Variants in BANK1 observed in about 807,000 individuals in gnomAD.
BANK1 encodes the protein B cell scaffold protein with ankyrin repeats 1.
In BANK1, 95 loss-of-function variants were observed where a neutral mutation model predicts 94.5. That is an observed-to-expected ratio of 1.00 (90% CI 0.85 to 1.19). BANK1 has a LOEUF of 1.19. Ranked by LOEUF, BANK1 falls within the 50% of genes most tolerant of loss-of-function variation. The pLI is 0.00. For missense variants in BANK1, 987 were observed against 932.2 expected (o/e 1.06, Z -0.77); for synonymous variants, 334 against 308.4 (o/e 1.08, Z -0.87).
chr4:101,993,720 G>A (rs1281905559), intron 7 of BANK1, among the ~76,000 whole-genome samples: 1 of 152,166 alleles, frequency 6.6e-6, no homozygotes, highest in Non-Finnish European at 1.5e-5. Flanking sequence ...CCTGGGCAGG[G>A]CGTTTGATTA....
At chr4:101,972,150 G>A (rs957438588) in intron 7 of BANK1, among the ~76,000 whole-genome samples, 1 of 151,906 alleles carries the variant, frequency 6.6e-6, no homozygotes, top group African/African-American at 2.4e-5. Context: ...TTCCTCAGTT[G>A]TTTTTGTGAA....
chr4:101,901,825 A>G (rs1722296589), intron 6 of BANK1, among the ~76,000 whole-genome samples: 2 of 151,986 alleles, frequency 1.3e-5, no homozygotes, highest in Admixed American at 1.3e-4. Flanking sequence ...CAGTGGTGCA[A>G]TCTCAGCTCA....
chr4:102,025,200 GCCA>G lies in BANK1; in HGVS notation c.1287_1289del (p.Thr430del). 1 of 1,612,970 alleles carries G rather than the reference GCCA, an allele frequency of 6.2e-7. No homozygotes were observed. On this transcript the variant is annotated inframe_deletion and splice_region_variant, in exon 9 of 17. Transcript: ENST00000322953. Reference sequence around the variant, plus strand: ...AATCATGCAATCTTCATCATAAACAGCCACACAGAACCCAGCATTTCATCATGA... The same window carrying G: ...AATCATGCAATCTTCATCATAAACAGCACAGAACCCAGCATTTCATCATGA...
chr4:101,974,793 CA>C (rs5860706), intron 7 of BANK1, among the ~76,000 whole-genome samples: 114,820 of 146,526 alleles, frequency 0.78, 45,408 homozygotes, highest in Non-Finnish European at 0.87. Flanking sequence ...ACTAAAAATA[CA>C]AAAAAAAAAA....
At chr4:101,963,232 C>G (rs1053707843) in intron 7 of BANK1, among the ~76,000 whole-genome samples, 10 of 152,054 alleles carry the variant, frequency 6.6e-5, no homozygotes, top group African/African-American at 2.4e-4. Flanking sequence ...TATTCTCACA[C>G]TTCTATTCTC....
chr4:101,797,656 A>G (rs1725204800), intron 1 of BANK1, among the ~76,000 whole-genome samples: 1 of 152,188 alleles, frequency 6.6e-6, no homozygotes, highest in Admixed American at 6.5e-5. Flanking sequence ...TGGTCTGTAA[A>G]CCTAAGAGAA....
At chr4:101,852,000 A>G (rs1727492770) in intron 2 of BANK1, among the ~76,000 whole-genome samples, 1 of 152,090 alleles carries the variant, frequency 6.6e-6, no homozygotes, top group Non-Finnish European at 1.5e-5. Context: ...TTGGAAAGTA[A>G]TTAGTTTTGG....
At chr4:101,804,547 A>G (rs1180091957) in intron 1 of BANK1, among the ~76,000 whole-genome samples, 2 of 152,134 alleles carry the variant, frequency 1.3e-5, no homozygotes, top group African/African-American at 2.4e-5. Flanking sequence ...ATTACAAGCA[A>G]AAGGTGATTT....
rs1472200679 is a variant in BANK1, at chr4:102,074,232, AT to A, written c.*235del. ...CATAGAGTAATTGCATTATTTGAAA[AT>A]TCTCTCATTTTACAATGCACTTCAC... is the stretch of plus-strand genomic sequence containing the variant. On this transcript the variant is annotated 3_prime_UTR_variant, in exon 17 of 17. Coordinates refer to ENST00000322953, the MANE Select transcript of BANK1 (RefSeq NM_017935.5). 1 of 152,176 alleles carries A rather than the reference AT, an allele frequency of 6.6e-6. No homozygotes were observed. The highest frequency in any genetic ancestry group is 1.5e-5 in the Non-Finnish European group (1 of 67,972). The allele number at this position is 152,176 out of a possible 1,614,324, so 9.4% of individuals were successfully genotyped here.
At chr4:101,790,986 A>C in intron 1 of BANK1, 36 bp downstream of exon 1, 14 of 1,456,720 alleles carry the variant, frequency 9.6e-6, no homozygotes, top group Non-Finnish European at 1.2e-5. Context: ...CTTGACGCCG[A>C]GGCCGGGCTA....
intron 5 of BANK1, among the ~76,000 whole-genome samples, chr4:101,892,782 G>A (rs893127372): frequency 3.3e-5 from 5 of 151,866 alleles, no homozygotes; most frequent in African/African-American, 1.2e-4. Context: ...ATTATAAGAA[G>A]AGAAAAATTC....
At position 102,025,245 on chromosome 4, in the gene BANK1, G is replaced by A. The variant is rs745597522; in HGVS notation, c.1330G>A (p.Gly444Arg). Residue 444 changes from glycine (G) to arginine (R), a missense_variant, in exon 9 of 17, where the codon GGG becomes AGG. Gly to Arg is a moderately radical substitution (Grantham distance 125). Transcript: ENST00000322953. ...TCATCATGAAAGCAGGAAGACATACGGGCAGAGTGCAGATGGAGCTGAGGC... is the reference window on the plus strand; with the variant it reads ...TCATCATGAAAGCAGGAAGACATACAGGCAGAGTGCAGATGGAGCTGAGGC... ...AFHHESRKTY[G>R]QSADGAEANE... is the part of the protein sequence containing the mutation. 4.3e-6 allele frequency: 7 copies of A among 1,614,032 alleles called. No individual in the cohort carries two copies. The highest frequency in any genetic ancestry group is 2.2e-5 in the East Asian group (1 of 44,880).
At chr4:101,988,441 T>C (rs13129903) in intron 7 of BANK1, among the ~76,000 whole-genome samples, 2 of 152,190 alleles carry the variant, frequency 1.3e-5, no homozygotes, top group Non-Finnish European at 2.9e-5. Flanking sequence ...TTTGTTATTG[T>C]TGCTTTGAGT....
intron 2 of BANK1, among the ~76,000 whole-genome samples, chr4:101,841,404 AAACTT>A (rs1434214975): frequency 2.0e-5 from 3 of 152,144 alleles, no homozygotes; most frequent in African/African-American, 4.8e-5. Flanking sequence ...GTATAGGACT[AAACTT>A]AAATGAATAT....
At chr4:101,816,914 G>A (rs772650568) in intron 1 of BANK1, among the ~76,000 whole-genome samples, 7 of 152,068 alleles carry the variant, frequency 4.6e-5, no homozygotes, top group African/African-American at 7.2e-5. Flanking sequence ...AGGAGTCAAC[G>A]GAAGAATAAG....
At chr4:101,873,242 A>T (rs143154668) in intron 5 of BANK1, among the ~76,000 whole-genome samples, 235 of 152,258 alleles carry the variant, frequency 1.5e-3, no homozygotes, top group African/African-American at 4.1e-3. Context: ...ATGCCAGAAG[A>T]TTTGAATTTT....
intron 1 of BANK1, among the ~76,000 whole-genome samples, chr4:101,812,008 A>G (rs946911225): frequency 2.6e-5 from 4 of 152,016 alleles, no homozygotes; most frequent in Admixed American, 1.3e-4. Flanking sequence ...ACATAAACAT[A>G]TAAACAAAAG....
In BANK1 at chr4:102,030,264, A is replaced by G; in HGVS notation, c.1899A>G (p.Gln633=). The G allele has an allele frequency of 6.4e-7, 1 of 1,565,076 alleles. No individual in the cohort carries two copies. The highest frequency in any genetic ancestry group is 8.6e-7 in the Non-Finnish European group (1 of 1,163,652). ...PKEETTPYIA[Q]VFQQKTARRQ... Reference sequence around the variant, plus strand: ...AGGAAACTACACCTTACATAGCTCAAGGTAATTATCATTGTTGTTTGTTTA... The same window carrying G: ...AGGAAACTACACCTTACATAGCTCAGGGTAATTATCATTGTTGTTTGTTTA... Residue 633 remains glutamine (Q), a splice_region_variant and synonymous_variant, in exon 10 of 17, where the codon CAA becomes CAG. Coordinates refer to ENST00000322953, the MANE Select transcript of BANK1 (RefSeq NM_017935.5).
At chr4:102,041,660 C>T (rs968229423) in intron 10 of BANK1, among the ~76,000 whole-genome samples, 2 of 151,900 alleles carry the variant, frequency 1.3e-5, no homozygotes, top group Admixed American at 6.6e-5. Flanking sequence ...TTTAAAGAGT[C>T]GTATTATCAG....
Sources: allele counts gnomAD v4.1 joint callset (sites outside exome capture counted in the v4.1 genomes callset), GRCh38; gene constraint gnomAD v4.1.1; transcripts MANE v1.5; gene names NCBI Gene and HGNC (gene_info 2026-07-23, HGNC 2026-07-21).